ANKK1: variants seen among roughly 807,000 people sequenced by gnomAD.
ANKK1 encodes the protein ankyrin repeat and kinase domain containing 1, also known as ankyrin repeat and protein kinase domain-containing protein 1.
In ANKK1, 37 loss-of-function variants were observed where a neutral mutation model predicts 37.6. That is an observed-to-expected ratio of 0.98 (90% confidence interval 0.76 to 1.29). The LOEUF (loss-of-function observed/expected upper bound fraction) is 1.29. Ranked by LOEUF, ANKK1 falls within the 50% of genes most tolerant of loss-of-function variation. ANKK1 has a pLI of 0.00. For synonymous variants in ANKK1, 415 were observed against 418.7 expected (o/e 0.99, Z 0.11); for missense variants, 1,019 against 990.6 (o/e 1.03, Z -0.39).
chr11:113,388,526 T>C (rs1417495332), intron 1 of ANKK1, among the ~76,000 whole-genome samples: 1 of 152,166 alleles, frequency 6.6e-6, no homozygotes, highest in Admixed American at 6.5e-5. Flanking sequence ...CAGGGAATCA[T>C]GTTCTCTCTT....
intron 5 of ANKK1, among the ~76,000 whole-genome samples, chr11:113,396,892 A>G (rs1950643206): frequency 1.3e-5 from 2 of 152,190 alleles, no homozygotes; most frequent in South Asian, 4.1e-4. Context: ...TTTCCAGGCC[A>G]TGAGATCACA....
rs1950654030 is a variant in ANKK1, at chr11:113,398,068, G to C, written c.994+52G>C. 1.4e-5 allele frequency: 22 copies of C among 1,549,160 alleles called. No homozygotes were observed. In the South Asian group the frequency reaches 2.4e-4, roughly 17 times the overall value. On this transcript the variant is annotated intron_variant, in intron 7 of 7. Coordinates refer to ENST00000303941, the MANE Select transcript of ANKK1 (RefSeq NM_178510.2). ...CAGAGAACTCACAGCAGAGAAAATG[G>C]AGTCAAACCACACCCTTTCCCCATC...
Position 113,399,682 on chromosome 11 carries a change from C to A in ANKK1, c.1713C>A (p.Gly571=), listed in dbSNP as rs376080076. The A allele has an allele frequency of 1.8e-5, 28 of 1,598,144 alleles. No individual in the cohort carries two copies. The African/African-American group carries it at 2.0e-4, about 11-fold the overall frequency. Residue 571 remains glycine, a synonymous_variant, in exon 8 of 8, where the codon GGC becomes GGA. Coordinates refer to ENST00000303941, the MANE Select transcript of ANKK1 (RefSeq NM_178510.2). ...YGPLHTAAAR[G]KYLICKMLLR... ...CACTGCACACTGCAGCTGCCAGGGG[C>A]AAATACCTGATCTGCAAGATGCTGC...
At chr11:113,397,161 A>C in intron 5 of ANKK1, 63 bp from the exon 6 acceptor site, 1 of 1,334,332 alleles carries the variant, frequency 7.5e-7, no homozygotes, top group Non-Finnish European at 1.0e-6. Context: ...TATCTAAAAC[A>C]GGGAGGGTAC....
Position 113,400,347 on chromosome 11 carries a change from A to G in ANKK1, c.*80A>G. On this transcript the variant is annotated 3_prime_UTR_variant, in exon 8 of 8. Transcript: ENST00000303941. ...TGAGGCAGGCAGATCACCTGATATC[A>G]AGAGTTTGAGGCCAGCCTGGCCAAC... The G allele has an allele frequency of 1.0e-5, 14 of 1,339,788 alleles. No homozygotes were observed. Among genetic ancestry groups the G allele is most frequent in the Non-Finnish European group, 1.4e-5 (14 of 1,004,662 alleles). The allele number at this position is 1,339,788 out of a possible 1,614,324, so 83.0% of individuals were successfully genotyped here.
chr11:113,395,196 G>A, intron 3 of ANKK1, 116 bp downstream of exon 3: 2 of 1,496,536 alleles, frequency 1.3e-6, no homozygotes, highest in African/African-American at 2.8e-5. Context: ...TCTGGCCCAA[G>A]GCGGAGGACT....
chr11:113,394,640 C>G, intron 2 of ANKK1: 5 of 554,644 alleles, frequency 9.0e-6, no homozygotes, highest in Non-Finnish European at 1.7e-5. Flanking sequence ...ACATGCCAGG[C>G]ACTGTTTAAG....
At position 113,399,303 on chromosome 11, in the gene ANKK1, G is replaced by A. The variant is rs201891002; in HGVS notation, c.1334G>A (p.Arg445His). 2.5e-5 allele frequency: 40 copies of A among 1,600,858 alleles called. No homozygotes were observed. Among genetic ancestry groups the A allele is most frequent in the Middle Eastern group, 3.3e-4 (2 of 6,050 alleles). Residue 445 changes from arginine (R) to histidine (H), a missense_variant, in exon 8 of 8, where the codon CGC (arginine) becomes CAC (histidine). By Grantham distance (29) the Arg-to-His change is conservative. Transcript: ENST00000303941. ...CAGAATGGGGATGACGGCACTGCGC[G>A]CCTGCTCCTGGACCACGGGGCCTGT... ...AAQNGDDGTA[R>H]LLLDHGACVD...
Position 113,399,006 on chromosome 11 carries a change from G to A in ANKK1, c.1037G>A (p.Arg346His), listed in dbSNP as rs572485580. The change falls in exon 8 of 8, where the codon CGT becomes CAT. Residue 346 changes from arginine (R) to histidine (H), a missense_variant. Physicochemically the swap from Arg to His is conservative, Grantham distance 29. Transcript: ENST00000303941. ...AAGCGGGCCCTTCAGCTCTCCGACC[G>A]TAAGAATTTGGTCCCGAGAGATGAG... ...YLKRALQLSD[R>H]KNLVPRDEEL... 1.7e-5 allele frequency: 27 copies of A among 1,596,974 alleles called. No homozygotes were observed. Among genetic ancestry groups the A allele is most frequent in the South Asian group, 3.4e-5 (3 of 87,560 alleles).
rs1246200985 is a variant in ANKK1 at position 113,396,012 on chromosome 11, G to A, written c.683-55G>A. 4 of 1,590,642 alleles carry A rather than the reference G, an allele frequency of 2.5e-6. No individual in the cohort carries two copies. The East Asian group carries it at 9.0e-5, about 36-fold the overall frequency. The stretch of plus-strand genomic sequence containing the variant: ...CTCAGAGCCCCCGCCTTCCTCCCCA[G>A]CTCCCCTCCAGCCCTACCTCTCAGC... On this transcript the variant is annotated intron_variant, in intron 4 of 7. Transcript: ENST00000303941.
intron 4 of ANKK1, 69 bp from the exon 5 acceptor site, chr11:113,395,998 C>G (rs943175969): frequency 1.3e-6 from 2 of 1,569,864 alleles, no homozygotes; most frequent in African/African-American, 2.7e-5. Context: ...TCAGAGCCCC[C>G]GCCTTCCTCC....
chr11:113,399,894 T>C lies in ANKK1; in HGVS notation c.1925T>C (p.Val642Ala), dbSNP rs938360716. 4 of 1,613,334 alleles carry C rather than the reference T, an allele frequency of 2.5e-6. No homozygotes were observed. The highest frequency in any genetic ancestry group is 3.4e-6 in the Non-Finnish European group (4 of 1,179,836). ...LAARHGEEAVVSALLQCGADP... is the reference protein window; with the variant it reads ...LAARHGEEAVASALLQCGADP... ...GCACGCCACGGGGAGGAGGCGGTGG[T>C]GTCAGCACTGCTGCAGTGTGGGGCT... Residue 642 changes from valine (V) to alanine (A), a missense_variant, in exon 8 of 8, where the codon GTG becomes GCG. Physicochemically the swap from Val to Ala is moderately conservative, Grantham distance 64. Coordinates refer to ENST00000303941, the MANE Select transcript of ANKK1 (RefSeq NM_178510.2).
intron 1 of ANKK1, among the ~76,000 whole-genome samples, chr11:113,393,028 A>C (rs1224510206): frequency 6.6e-6 from 1 of 152,214 alleles, no homozygotes; most frequent in Non-Finnish European, 1.5e-5. Context: ...TTTTTCTTTT[A>C]TATAGCTCTC....
chr11:113,393,499 C>T lies in ANKK1; in HGVS notation c.204C>T (p.Leu68=). 6.2e-7 allele frequency: 1 copy of T among 1,613,488 alleles called. No individual in the cohort carries two copies. The highest frequency in any genetic ancestry group is 8.5e-7 in the Non-Finnish European group (1 of 1,179,582). Residue 68 remains leucine (L), a synonymous_variant, in exon 2 of 8, where the codon CTC becomes CTT. Coordinates refer to ENST00000303941, the MANE Select transcript of ANKK1 (RefSeq NM_178510.2). ...PDAASSDVNY[L]IEEAAKMKKI... Reference sequence around the variant, plus strand: ...TCCATAGCTCTGATGTGAATTACCTCATTGAAGAAGCTGCCAAAATGAAGA... The same window carrying T: ...TCCATAGCTCTGATGTGAATTACCTTATTGAAGAAGCTGCCAAAATGAAGA...
chr11:113,395,520 G>A, intron 4 of ANKK1, 112 bp downstream of exon 4: 1 of 1,148,340 alleles, frequency 8.7e-7, no homozygotes, highest in Non-Finnish European at 1.3e-6. Context: ...GCAGGTTTGT[G>A]TGGAACTGTA....
chr11:113,395,089 G>A lies in ANKK1; in HGVS notation c.632+9G>A, dbSNP rs1950626713. 5.0e-6 allele frequency: 8 copies of A among 1,589,300 alleles called. No individual in the cohort carries two copies. Among genetic ancestry groups the A allele is most frequent in the Middle Eastern group, 3.4e-4 (2 of 5,960 alleles). ...AAATATGATGTGTACAGGTGAGAAG[G>A]AGGCCTGGCGTGATGCCACACACCC... is the stretch of plus-strand genomic sequence containing the variant. On this transcript the variant is annotated intron_variant, in intron 3 of 7. Coordinates refer to ENST00000303941, the MANE Select transcript of ANKK1 (RefSeq NM_178510.2).
rs558913172 is a variant in ANKK1, at chr11:113,398,984, C to T, written c.1015C>T (p.Arg339Trp). 6.6e-5 allele frequency: 105 copies of T among 1,582,808 alleles called. No homozygotes were observed. The highest frequency in any genetic ancestry group is 1.7e-4 in the Middle Eastern group (1 of 6,046). Reference protein sequence around the residue: ...MDSDSGNYLKRALQLSDRKNL... With the variant: ...MDSDSGNYLKWALQLSDRKNL... ...AGCAGACTCAGGAAACTACCTGAAG[C>T]GGGCCCTTCAGCTCTCCGACCGTAA... Residue 339 changes from arginine (R) to tryptophan (W), a missense_variant, in exon 8 of 8, where the codon CGG (arginine) becomes TGG (tryptophan). Arg to Trp is a moderately radical substitution (Grantham distance 101). Coordinates refer to ENST00000303941, the MANE Select transcript of ANKK1 (RefSeq NM_178510.2).
rs1308706263 is a variant in ANKK1 at position 113,396,134 on chromosome 11, T to G, written c.750T>G (p.Ser250=). The part of the protein sequence containing the change: ...AGMRPSLQPV[S]DQWPSEAQQM... Reference sequence around the variant, plus strand: ...TGCGGCCCTCCCTACAGCCTGTCTCTGACCAATGGCCAAGCGAGGCCCAGC... The same window carrying G: ...TGCGGCCCTCCCTACAGCCTGTCTCGGACCAATGGCCAAGCGAGGCCCAGC... Residue 250 remains serine, a synonymous_variant, in exon 5 of 8, where the codon TCT becomes TCG. Coordinates refer to ENST00000303941, the MANE Select transcript of ANKK1 (RefSeq NM_178510.2). The G allele has an allele frequency of 1.9e-6, 3 of 1,613,998 alleles. No homozygotes were observed. The highest frequency in any genetic ancestry group is 1.3e-5 in the African/African-American group (1 of 75,056).
At chr11:113,393,078 C>T (rs1284457507) in intron 1 of ANKK1, among the ~76,000 whole-genome samples, 1 of 152,120 alleles carries the variant, frequency 6.6e-6, no homozygotes, top group Non-Finnish European at 1.5e-5. Flanking sequence ...TGTATTACTT[C>T]CATAATTTAA....
Sources: allele counts gnomAD v4.1 joint callset (sites outside exome capture counted in the v4.1 genomes callset), GRCh38; gene constraint gnomAD v4.1.1; transcripts MANE v1.5; gene names NCBI Gene and HGNC (gene_info 2026-07-23, HGNC 2026-07-21).